NFATC1: variants seen among roughly 807,000 people sequenced by gnomAD.
The protein encoded by NFATC1 is nuclear factor of activated T cells 1.
Under a neutral mutation model 76.0 loss-of-function variants are expected in NFATC1, and 22 were observed. The observed-to-expected ratio is 0.29, with a 90% confidence interval of 0.21 to 0.41. The LOEUF is 0.41. Ranked by LOEUF, NFATC1 falls within the 10% of genes least tolerant of loss-of-function variation. The pLI is 1.00. For synonymous variants in NFATC1, 704 were observed against 613.1 expected (o/e 1.15, Z -2.19); for missense variants, 1,357 against 1,337.7 (o/e 1.01, Z -0.23).
intron 9 of NFATC1, among the ~76,000 whole-genome samples, chr18:79,520,725 C>G (rs1418315267): frequency 2.7e-5 from 1 of 37,122 alleles, no homozygotes; most frequent in Non-Finnish European, 4.7e-5. Flanking sequence ...GGGGGGGGGG[C>G]ATCCACTGAT....
At chr18:79,487,650 G>C (rs2089547552) in intron 9 of NFATC1, among the ~76,000 whole-genome samples, 1 of 152,248 alleles carries the variant, frequency 6.6e-6, no homozygotes, top group Admixed American at 6.5e-5. Flanking sequence ...TTTCTGTGAC[G>C]AGTGGTGACC....
chr18:79,507,952 G>A (rs560689571), intron 9 of NFATC1, among the ~76,000 whole-genome samples: 3 of 152,378 alleles, frequency 2.0e-5, no homozygotes, highest in South Asian at 2.1e-4. Context: ...CGCGTCAGGC[G>A]GAGGATCCCT....
At chr18:79,469,484 C>A in intron 8 of NFATC1, 1 of 985,450 alleles carries the variant, frequency 1.0e-6, no homozygotes, top group Non-Finnish European at 1.2e-6. Context: ...GGGGCTGAGC[C>A]GCTCCTGCTA....
chr18:79,480,890 C>G (rs150440654), intron 8 of NFATC1, among the ~76,000 whole-genome samples: 134 of 152,348 alleles, frequency 8.8e-4, no homozygotes, highest in African/African-American at 3.1e-3. Context: ...TCCCGAGCAG[C>G]GGAGAGAGGA....
At chr18:79,480,973 C>T (rs1006282877) in intron 8 of NFATC1, among the ~76,000 whole-genome samples, 2 of 152,260 alleles carry the variant, frequency 1.3e-5, no homozygotes, top group Admixed American at 6.5e-5. Context: ...AAATTACCAG[C>T]CTAATTTAGA....
At chr18:79,441,092 G>T (rs1388253412) in intron 3 of NFATC1, among the ~76,000 whole-genome samples, 1 of 152,250 alleles carries the variant, frequency 6.6e-6, no homozygotes, top group Non-Finnish European at 1.5e-5. Context: ...GAGCCGAGAC[G>T]CACCATCATA....
chr18:79,520,074 G>T (rs1569051381), intron 9 of NFATC1, among the ~76,000 whole-genome samples: 1 of 152,186 alleles, frequency 6.6e-6, no homozygotes, highest in Middle Eastern at 3.2e-3. Flanking sequence ...GTCGGCAGGG[G>T]TGCCACTTGG....
At chr18:79,503,217 CAG>C (rs2090050358) in intron 9 of NFATC1, among the ~76,000 whole-genome samples, 1 of 152,240 alleles carries the variant, frequency 6.6e-6, no homozygotes, top group Non-Finnish European at 1.5e-5. Context: ...CACGAGACCA[CAG>C]ACTCAGTGGC....
chr18:79,418,235 C>A (rs138267701), intron 2 of NFATC1, among the ~76,000 whole-genome samples: 1 of 152,128 alleles, frequency 6.6e-6, no homozygotes, highest in South Asian at 2.1e-4. Context: ...CCATGCCTTG[C>A]GACGCTCTGT....
chr18:79,492,714 A>AAG (rs2089718221), intron 9 of NFATC1, among the ~76,000 whole-genome samples: 1 of 150,910 alleles, frequency 6.6e-6, no homozygotes, highest in Non-Finnish European at 1.5e-5. Context: ...ATCTCAAAAA[A>AAG]AAAAAAAAGA....
At chr18:79,471,379 C>T (rs777982490) in intron 8 of NFATC1, among the ~76,000 whole-genome samples, 1 of 152,170 alleles carries the variant, frequency 6.6e-6, no homozygotes, top group Non-Finnish European at 1.5e-5. Context: ...GAATCTGTCT[C>T]GTGGGGGGCT....
intron 9 of NFATC1, among the ~76,000 whole-genome samples, chr18:79,520,820 TGGG>T (rs1248737642): frequency 5.4e-5 from 1 of 18,654 alleles, no homozygotes; most frequent in Non-Finnish European, 9.0e-5. Flanking sequence ...TGTCTGTGTG[TGGG>T]GGGGGGCATC....
chr18:79,403,632 G>C (rs577579906), intron 1 of NFATC1, among the ~76,000 whole-genome samples: 1 of 152,384 alleles, frequency 6.6e-6, no homozygotes, highest in African/African-American at 2.4e-5. Context: ...GTTTGGGCTG[G>C]AGCCTCTCTG....
At chr18:79,397,616 G>A (rs2085050698) in intron 1 of NFATC1, among the ~76,000 whole-genome samples, 1 of 152,222 alleles carries the variant, frequency 6.6e-6, no homozygotes, top group South Asian at 2.1e-4. Flanking sequence ...TACACAATGT[G>A]CTCTTGCTAG....
intron 8 of NFATC1, among the ~76,000 whole-genome samples, chr18:79,476,657 G>A (rs779921015): frequency 3.9e-5 from 6 of 152,238 alleles, no homozygotes; most frequent in South Asian, 2.1e-4. Flanking sequence ...CGGGGTCGAC[G>A]TGATAAACCT....
intron 2 of NFATC1, among the ~76,000 whole-genome samples, chr18:79,413,987 T>C (rs1023388589): frequency 7.9e-5 from 12 of 152,234 alleles, no homozygotes; most frequent in African/African-American, 1.4e-4. Context: ...TCAGTAAATA[T>C]GTCCCAAACT....
chr18:79,426,846 C>T (rs1482794177), intron 2 of NFATC1, among the ~76,000 whole-genome samples: 1 of 152,200 alleles, frequency 6.6e-6, no homozygotes, highest in African/African-American at 2.4e-5. Context: ...CCACCATGCC[C>T]TGGCCCCAGG....
intron 8 of NFATC1, among the ~76,000 whole-genome samples, chr18:79,477,460 C>G (rs2089119411): frequency 1.3e-5 from 2 of 152,234 alleles, no homozygotes; most frequent in South Asian, 4.1e-4. Flanking sequence ...CTCCCCACCC[C>G]CAATGCCACC....
chr18:79,403,920 T>C (rs1002759254), intron 1 of NFATC1, among the ~76,000 whole-genome samples: 2 of 152,234 alleles, frequency 1.3e-5, no homozygotes, highest in African/African-American at 4.8e-5. Context: ...GAATTAGGAA[T>C]GCTCTGTTGT....
Sources: allele counts gnomAD v4.1 joint callset (sites outside exome capture counted in the v4.1 genomes callset), GRCh38; gene constraint gnomAD v4.1.1; transcripts MANE v1.5; gene names NCBI Gene and HGNC (gene_info 2026-07-23, HGNC 2026-07-21).